The following CSMD1 variants were observed in gnomAD, a reference collection of about 807,000 sequenced individuals.
The protein encoded by CSMD1 is CUB and sushi domain-containing protein 1.
A neutral mutation model predicts 417.5 loss-of-function variants in CSMD1; 213 were observed. The ratio of observed to expected loss-of-function variants is 0.51; its 90% confidence interval spans 0.46 to 0.57. The LOEUF (loss-of-function observed/expected upper bound fraction) is 0.57, where lower values mean the gene tolerates loss of function less well. Ranked by LOEUF, CSMD1 falls within the 20% of genes least tolerant of loss-of-function variation. The pLI, the probability that CSMD1 is intolerant of heterozygous loss-of-function variation, is 0.00. For missense variants in CSMD1, 6,923 were observed against 4,529.7 expected (o/e 1.53, Z -15.17); for synonymous variants, 2,862 against 1,736.8 (o/e 1.65, Z -16.11).
chr8:3,362,525 G>C (rs1279967264), intron 20 of CSMD1, among the ~76,000 whole-genome samples: 1 of 152,140 alleles, frequency 6.6e-6, no homozygotes, highest in Admixed American at 6.5e-5. Flanking sequence ...CTTCTCATTT[G>C]GCTGATTCGG....
At chr8:4,230,411 A>T (rs1801648597) in intron 3 of CSMD1, among the ~76,000 whole-genome samples, 1 of 152,210 alleles carries the variant, frequency 6.6e-6, no homozygotes, top group Non-Finnish European at 1.5e-5. Context: ...TCTTGTATAT[A>T]ATCCAAGGTC....
Position 4,709,482 on chromosome 8 carries a change from G to A in CSMD1, c.86-71924C>T, listed in dbSNP as rs184924424. Among the ~76,000 whole-genome samples the A allele has an allele frequency of 9.8e-5, 15 of 152,322 alleles. No homozygotes were observed. The East Asian group carries it at 2.9e-3, about 29-fold the overall frequency. On this transcript the variant is annotated intron_variant, in intron 1 of 69. Coordinates refer to ENST00000635120, the MANE Select transcript of CSMD1 (RefSeq NM_033225.6). ...TCTGTCCATAGGACGTAAGGAACAG[G>A]GGGAGCCTCATGTGCCACCTTCCTC...
At chr8:4,922,378 A>G (rs1472372966) in intron 1 of CSMD1, among the ~76,000 whole-genome samples, 4 of 152,208 alleles carry the variant, frequency 2.6e-5, no homozygotes, top group African/African-American at 9.7e-5. Flanking sequence ...ATATAGCACA[A>G]TATTTTACAA....
At position 3,429,460 on chromosome 8, in the gene CSMD1, G is replaced by C. The variant is rs76890270; in HGVS notation, c.1562-19855C>G. 8.4e-3 allele frequency among the ~76,000 whole-genome samples: 1,276 copies of C among 152,260 alleles called. 16 individuals carry two copies. The highest frequency in any genetic ancestry group is 0.029 in the African/African-American group (1,194 of 41,544). ...GGAAGCCATGTCCAAAGCAACACTT[G>C]TACACAGATGTTCACTGACCTTCAT... On this transcript the variant is annotated intron_variant, in intron 12 of 69. Transcript: ENST00000635120.
intron 23 of CSMD1, among the ~76,000 whole-genome samples, chr8:3,319,834 C>G (rs529129433): frequency 3.3e-5 from 5 of 152,176 alleles, no homozygotes; most frequent in African/African-American, 9.6e-5. Flanking sequence ...TTTTCATTGT[C>G]TAAATCTCAG....
chr8:4,987,939 G>A (rs1017759799), intron 1 of CSMD1, among the ~76,000 whole-genome samples: 1 of 152,196 alleles, frequency 6.6e-6, no homozygotes, highest in Non-Finnish European at 1.5e-5. Flanking sequence ...TAGGCCACAG[G>A]CTGAAGACTG....
rs1585069583 is a variant in CSMD1 at position 3,373,078 on chromosome 8, A to G, written c.2783-3708T>C. 2.0e-5 allele frequency among the ~76,000 whole-genome samples: 3 copies of G among 152,242 alleles called. No homozygotes were observed. The East Asian group carries it at 5.8e-4, about 29-fold the overall frequency. On this transcript the variant is annotated intron_variant, in intron 18 of 69. Coordinates refer to ENST00000635120, the MANE Select transcript of CSMD1 (RefSeq NM_033225.6). ...TTTATGTAAAACTGAGATATCTTAT[A>G]TCCAAAGCTACTTGTCAGTGGTCTT...
At chr8:4,263,067 C>G (rs1803995432) in intron 3 of CSMD1, among the ~76,000 whole-genome samples, 1 of 152,080 alleles carries the variant, frequency 6.6e-6, no homozygotes, top group Non-Finnish European at 1.5e-5. Flanking sequence ...TATGAGAACA[C>G]TTTTAATGAG....
intron 23 of CSMD1, among the ~76,000 whole-genome samples, chr8:3,328,222 C>G (rs980621598): frequency 6.6e-6 from 1 of 152,198 alleles, no homozygotes; most frequent in East Asian, 1.9e-4. Flanking sequence ...AGCCTCTAAT[C>G]TGACAGTCTG....
At chr8:4,661,334 C>T (rs1804594562) in intron 1 of CSMD1, among the ~76,000 whole-genome samples, 1 of 152,122 alleles carries the variant, frequency 6.6e-6, no homozygotes, top group Non-Finnish European at 1.5e-5. Flanking sequence ...CTGATACATG[C>T]CATATACTGG....
intron 10 of CSMD1, among the ~76,000 whole-genome samples, chr8:3,554,785 G>A (rs140387696): frequency 6.6e-6 from 1 of 152,174 alleles, no homozygotes; most frequent in African/African-American, 2.4e-5. Context: ...TACAAAGTAA[G>A]CAGAAGAGAT....
intron 7 of CSMD1, among the ~76,000 whole-genome samples, chr8:3,669,561 G>T (rs950501953): frequency 6.6e-6 from 1 of 152,188 alleles, no homozygotes; most frequent in Non-Finnish European, 1.5e-5. Flanking sequence ...TCAGAAGGAG[G>T]GGAATGTAGC....
intron 2 of CSMD1, among the ~76,000 whole-genome samples, chr8:4,576,523 C>G (rs1262504333): frequency 1.3e-5 from 2 of 152,100 alleles, no homozygotes; most frequent in Non-Finnish European, 2.9e-5. Flanking sequence ...CCTACTATAC[C>G]AAGATAGCAA....
At chr8:3,670,672 TGGTTATATATGTATG>T (rs1798954922) in intron 7 of CSMD1, among the ~76,000 whole-genome samples, 1 of 143,538 alleles carries the variant, frequency 7.0e-6, no homozygotes, top group African/African-American at 2.7e-5. Flanking sequence ...TATATGTACA[TGGTTATATATGTATG>T]GGATATATGT....
At chr8:3,687,944 C>T (rs1326259765) in intron 7 of CSMD1, among the ~76,000 whole-genome samples, 1 of 152,184 alleles carries the variant, frequency 6.6e-6, no homozygotes, top group Non-Finnish European at 1.5e-5. Context: ...TCCTACCAAC[C>T]CTTTGTTTCC....
chr8:4,289,209 C>G (rs113255748), intron 3 of CSMD1, among the ~76,000 whole-genome samples: 2 of 152,294 alleles, frequency 1.3e-5, no homozygotes, highest in African/African-American at 4.8e-5. Flanking sequence ...TTACCAGTTT[C>G]TAGATACCTG....
At position 4,116,524 on chromosome 8, in the gene CSMD1, C is replaced by A. The variant is rs560848929; in HGVS notation, c.416-84425G>T. ...CACATCCGACGGCGATGTATGAGTG[C>A]AGGTACCTGGATGGAACAAACGCGC... On this transcript the variant is annotated intron_variant, in intron 3 of 69. Coordinates refer to ENST00000635120, the MANE Select transcript of CSMD1 (RefSeq NM_033225.6). 6.6e-4 allele frequency among the ~76,000 whole-genome samples: 47 copies of A among 71,036 alleles called. 1 individual carries two copies. The highest frequency in any genetic ancestry group is 2.8e-3 in the African/African-American group (46 of 16,198). 46.6% of individuals were successfully genotyped at this position (71,036 alleles called of 152,430 possible).
At chr8:4,512,968 G>A (rs542879820) in intron 2 of CSMD1, among the ~76,000 whole-genome samples, 1 of 152,274 alleles carries the variant, frequency 6.6e-6, no homozygotes, top group East Asian at 1.9e-4. Context: ...TAGGGAAACA[G>A]TGAACAGGTC....
At chr8:3,678,107 C>T (rs538976763) in intron 7 of CSMD1, among the ~76,000 whole-genome samples, 6 of 152,080 alleles carry the variant, frequency 3.9e-5, no homozygotes, top group African/African-American at 9.6e-5. Context: ...CCAGAGTGAG[C>T]GACGCAGAAG....
Sources: allele counts gnomAD v4.1 joint callset (sites outside exome capture counted in the v4.1 genomes callset), GRCh38; gene constraint gnomAD v4.1.1; transcripts MANE v1.5; gene names NCBI Gene and HGNC (gene_info 2026-07-23, HGNC 2026-07-21).